Variants in PPIL1 observed in about 807,000 individuals in gnomAD.
PPIL1 encodes the protein peptidyl-prolyl cis-trans isomerase-like 1.
In PPIL1, 14 loss-of-function variants were observed where a neutral mutation model predicts 19.4. That is an observed-to-expected ratio of 0.72 (90% CI 0.48 to 1.13). PPIL1 has a LOEUF of 1.13. Ranked by LOEUF, PPIL1 falls within the 50% of genes most tolerant of loss-of-function variation. PPIL1 has a pLI of 0.00. For synonymous variants in PPIL1, 72 were observed against 73.6 expected, an observed-to-expected ratio of 0.98 and a Z score of 0.11; for missense variants, 192 against 218.0, an observed-to-expected ratio of 0.88 and a Z score of 0.75.
chr6:36,867,623 C>G (rs1333166957), intron 2 of PPIL1, among the ~76,000 whole-genome samples: 2 of 152,214 alleles, frequency 1.3e-5, no homozygotes, highest in African/African-American at 2.4e-5. Context: ...GGCCACCTTC[C>G]AGGGTGCTGG....
At chr6:36,865,132 G>C (rs941996888) in intron 2 of PPIL1, among the ~76,000 whole-genome samples, 1 of 152,174 alleles carries the variant, frequency 6.6e-6, no homozygotes, top group Non-Finnish European at 1.5e-5. Flanking sequence ...GCTCAGCAGG[G>C]TAAGGCAACT....
chr6:36,874,738 G>C lies in PPIL1; in HGVS notation c.35C>G (p.Pro12Arg). 1 of 1,614,166 alleles carries C rather than the reference G, an allele frequency of 6.2e-7. No homozygotes were observed. Among genetic ancestry groups the C allele is most frequent in the Non-Finnish European group, 8.5e-7 (1 of 1,180,002 alleles). The change falls in exon 1 of 4, where the codon CCC (proline) becomes CGC (arginine). Residue 12 changes from proline to arginine, a missense_variant. By Grantham distance (103) the Pro-to-Arg change is moderately radical (BLOSUM62 -2). Transcript: ENST00000373699. ...AAIPPDSWQPPNVYLETSMGI... is the reference protein window; with the variant it reads ...AAIPPDSWQPRNVYLETSMGI... ...TCACCTGGTCTCCAAGTAAACGTTG[G>C]GTGGCTGCCAGGAATCTGGGGGAAT...
intron 2 of PPIL1, among the ~76,000 whole-genome samples, chr6:36,863,427 A>T (rs1357582159): frequency 6.6e-6 from 1 of 152,154 alleles, no homozygotes; most frequent in Non-Finnish European, 1.5e-5. Flanking sequence ...TAAGCTGTCC[A>T]TGACTATCCT....
intron 2 of PPIL1, among the ~76,000 whole-genome samples, chr6:36,864,317 G>A (rs898763705): frequency 1.3e-5 from 2 of 151,960 alleles, no homozygotes; most frequent in East Asian, 1.9e-4. Context: ...CACCCCCCAC[G>A]ATTGGGCACT....
intron 1 of PPIL1, among the ~76,000 whole-genome samples, chr6:36,872,748 C>T (rs1774541523): frequency 6.6e-6 from 1 of 152,176 alleles, no homozygotes; most frequent in Admixed American, 6.5e-5. Flanking sequence ...GCTGGGACTA[C>T]AGGCATGCAT....
At chr6:36,870,438 C>T (rs1425163305) in intron 2 of PPIL1, among the ~76,000 whole-genome samples, 4 of 152,102 alleles carry the variant, frequency 2.6e-5, no homozygotes, top group Non-Finnish European at 5.9e-5. Context: ...CATGTGGGTT[C>T]TACATTCATG....
At chr6:36,857,486 A>ATTT (rs551785530) in intron 2 of PPIL1, among the ~76,000 whole-genome samples, 29 of 147,394 alleles carry the variant, frequency 2.0e-4, no homozygotes, top group African/African-American at 6.4e-4. Context: ...GACTCCATAA[A>ATTT]TTTTTTTTTT....
At chr6:36,863,951 G>A (rs1380162966) in intron 2 of PPIL1, among the ~76,000 whole-genome samples, 2 of 151,742 alleles carry the variant, frequency 1.3e-5, no homozygotes, top group Non-Finnish European at 2.9e-5. Context: ...TCAGGCCTGC[G>A]CTGCTGTGTG....
intron 2 of PPIL1, among the ~76,000 whole-genome samples, chr6:36,870,110 A>AAC (rs1554133284): frequency 4.2e-4 from 64 of 151,134 alleles, no homozygotes; most frequent in Admixed American, 1.4e-3. Flanking sequence ...AAAAAAAAAA[A>AAC]AACCCAAAAA....
chr6:36,856,184 C>T, intron 3 of PPIL1, 151 bp from the exon 4 acceptor site: 1 of 781,702 alleles, frequency 1.3e-6, no homozygotes, highest in Non-Finnish European at 2.0e-6. Context: ...GTCTCTCTGC[C>T]CTGTACAAAG....
intron 2 of PPIL1, among the ~76,000 whole-genome samples, chr6:36,860,378 C>T (rs922629186): frequency 1.5e-4 from 23 of 152,230 alleles, no homozygotes; most frequent in Admixed American, 1.2e-3. Flanking sequence ...GAGAGGATCA[C>T]TCAAGCCCAG....
chr6:36,864,199 G>A (rs1774350372), intron 2 of PPIL1, among the ~76,000 whole-genome samples: 1 of 151,944 alleles, frequency 6.6e-6, no homozygotes, highest in African/African-American at 2.4e-5. Context: ...GGTAGCCACA[G>A]GGATCCTTTT....
intron 2 of PPIL1, among the ~76,000 whole-genome samples, chr6:36,857,922 C>T (rs1774200301): frequency 6.6e-6 from 1 of 152,106 alleles, no homozygotes; most frequent in Non-Finnish European, 1.5e-5. Context: ...GCAGGTTTTG[C>T]TCTAAGAGCA....
chr6:36,856,318 G>T (rs1037185452), intron 3 of PPIL1, among the ~76,000 whole-genome samples: 1 of 152,178 alleles, frequency 6.6e-6, no homozygotes, highest in Non-Finnish European at 1.5e-5. Context: ...ACCCAGCAAG[G>T]TTTCCTGTTT....
At chr6:36,873,905 T>C (rs1358014889) in intron 1 of PPIL1, among the ~76,000 whole-genome samples, 1 of 152,224 alleles carries the variant, frequency 6.6e-6, no homozygotes, top group Non-Finnish European at 1.5e-5. Context: ...TATACTGTTA[T>C]AGCAGCAAGA....
intron 1 of PPIL1, 187 bp from the exon 2 acceptor site, chr6:36,872,059 T>C (rs1369102740): frequency 2.0e-6 from 1 of 508,348 alleles, no homozygotes; most frequent in Non-Finnish European, 3.2e-6. Flanking sequence ...TTATCTTTTT[T>C]GAGTAAAACA....
chr6:36,869,883 A>T (rs943435382), intron 2 of PPIL1, among the ~76,000 whole-genome samples: 2 of 152,190 alleles, frequency 1.3e-5, no homozygotes, highest in African/African-American at 4.8e-5. Context: ...TAGCTTATAT[A>T]TCCTATTTTT....
intron 2 of PPIL1, among the ~76,000 whole-genome samples, chr6:36,863,160 G>A (rs778562136): frequency 3.9e-5 from 6 of 152,152 alleles, no homozygotes; most frequent in African/African-American, 4.8e-5. Context: ...GAGGTAACCC[G>A]AGCATTTTCT....
intron 2 of PPIL1, among the ~76,000 whole-genome samples, chr6:36,866,630 C>T (rs895677503): frequency 1.4e-4 from 22 of 152,112 alleles, no homozygotes; most frequent in African/African-American, 5.3e-4. Flanking sequence ...TACAGAAATA[C>T]AGAAAAGCTG....
Sources: allele counts gnomAD v4.1 joint callset (sites outside exome capture counted in the v4.1 genomes callset), GRCh38; gene constraint gnomAD v4.1.1; transcripts MANE v1.5; gene names NCBI Gene and HGNC (gene_info 2026-07-23, HGNC 2026-07-21).